Variants in RNF150 observed in about 807,000 individuals in gnomAD.
RNF150 encodes ring finger protein 150.
RNF150 carries 24 observed loss-of-function variants against 39.3 expected under a neutral mutation model. The ratio of observed to expected loss-of-function variants is 0.61; its 90% CI spans 0.44 to 0.86. The LOEUF (loss-of-function observed/expected upper bound fraction) is 0.86, where lower values mean the gene tolerates loss of function less well. RNF150 is among the 40% of genes least tolerant of loss of function. RNF150 has a pLI of 0.00. For missense variants in RNF150, 502 were observed against 587.8 expected (o/e 0.85, Z 1.51); for synonymous variants, 255 against 227.3 (o/e 1.12, Z -1.10).
At position 141,126,505 on chromosome 4, in the gene RNF150, G is replaced by C. The variant is rs554680907; in HGVS notation, c.484+5820C>G. Among the ~76,000 whole-genome samples, 9 of 152,286 alleles carry C rather than the reference G, an allele frequency of 5.9e-5. No individual in the cohort carries two copies. In the South Asian group the frequency reaches 1.7e-3, roughly 28 times the overall value. On this transcript the variant is annotated intron_variant, in intron 1 of 6. Transcript: ENST00000515673. ...AACATCTCCTCACTACCCCAAGTTT[G>C]GCTACATAAAGATGGAGTCCCATGC...
intron 1 of RNF150, among the ~76,000 whole-genome samples, chr4:141,171,749 C>G (rs1400611950): frequency 6.6e-6 from 1 of 152,120 alleles, no homozygotes; most frequent in Non-Finnish European, 1.5e-5. Flanking sequence ...TTGAGCTTGA[C>G]TAGTTGACAT....
At chr4:141,084,147 G>A (rs531192835) in intron 1 of RNF150, among the ~76,000 whole-genome samples, 1 of 152,246 alleles carries the variant, frequency 6.6e-6, no homozygotes, top group Admixed American at 6.5e-5. Context: ...ACTCTTGAAT[G>A]TTCATCATTT....
intron 1 of RNF150, among the ~76,000 whole-genome samples, chr4:140,969,694 T>C (rs1050528514): frequency 1.3e-5 from 2 of 151,958 alleles, no homozygotes; most frequent in African/African-American, 2.4e-5. Flanking sequence ...CATTTTTTTT[T>C]TTGGGACAGG....
intron 1 of RNF150, among the ~76,000 whole-genome samples, chr4:140,996,613 G>A (rs1734387016): frequency 1.3e-5 from 2 of 152,196 alleles, no homozygotes; most frequent in Non-Finnish European, 2.9e-5. Flanking sequence ...AGATGTAAAT[G>A]TGCTTTCTTA....
chr4:140,906,676 T>C (rs1162349135), intron 6 of RNF150, among the ~76,000 whole-genome samples: 1 of 152,226 alleles, frequency 6.6e-6, no homozygotes, highest in Admixed American at 6.5e-5. Context: ...CATTAATTCA[T>C]GTGTACTGCT....
At chr4:141,015,786 G>T (rs1735248139) in intron 1 of RNF150, among the ~76,000 whole-genome samples, 1 of 152,122 alleles carries the variant, frequency 6.6e-6, no homozygotes, top group Admixed American at 6.6e-5. Flanking sequence ...TTAGAAGGAT[G>T]ACATGGTCAA....
At position 141,210,029 on chromosome 4, in the gene RNF150, G is replaced by A. The variant is rs938936718; in HGVS notation, c.-6+2765C>T. On this transcript the variant is annotated intron_variant, in intron 1 of 7. Transcript: ENST00000420921. The stretch of plus-strand genomic sequence containing the variant: ...GATATAAAGAGATAGAAAGTAGAAC[G>A]AAAATGGTCATTAGTCACAGATAAT... Among the ~76,000 whole-genome samples, 7 of 145,386 alleles carry A rather than the reference G, an allele frequency of 4.8e-5. No homozygotes were observed. The East Asian group carries it at 1.1e-3, about 22-fold the overall frequency.
chr4:141,210,200 G>C (rs1369768884), intron 1 of RNF150, among the ~76,000 whole-genome samples: 1 of 152,108 alleles, frequency 6.6e-6, no homozygotes, highest in Non-Finnish European at 1.5e-5. Flanking sequence ...TCTCATGCTT[G>C]GCTGGTTTTA....
chr4:140,885,834 C>A (rs1236961962), intron 6 of RNF150, among the ~76,000 whole-genome samples: 1 of 152,062 alleles, frequency 6.6e-6, no homozygotes, highest in South Asian at 2.1e-4. Flanking sequence ...AAACTCCTGA[C>A]CTCAAGGGAT....
chr4:140,988,588 A>C (rs186197277), intron 1 of RNF150, among the ~76,000 whole-genome samples: 80 of 152,178 alleles, frequency 5.3e-4, no homozygotes, highest in African/African-American at 1.7e-3. Flanking sequence ...TGCTGCACTC[A>C]TTAACTTGTC....
chr4:141,194,808 A>G (rs1048579380), intron 1 of RNF150, among the ~76,000 whole-genome samples: 1 of 152,192 alleles, frequency 6.6e-6, no homozygotes, highest in African/African-American at 2.4e-5. Context: ...ATAAACATGG[A>G]GCCAGACTGC....
At chr4:141,008,639 G>A (rs1734956720) in intron 1 of RNF150, among the ~76,000 whole-genome samples, 2 of 152,114 alleles carry the variant, frequency 1.3e-5, no homozygotes, top group Non-Finnish European at 2.9e-5. Flanking sequence ...AACAGACTTA[G>A]CACAATTCAT....
intron 1 of RNF150, among the ~76,000 whole-genome samples, chr4:141,188,015 T>C (rs531349309): frequency 1.3e-5 from 2 of 152,332 alleles, no homozygotes; most frequent in African/African-American, 4.8e-5. Context: ...TAGTGCTTCC[T>C]TCCAGAGCTC....
chr4:141,051,789 C>A (rs972584507), intron 1 of RNF150, among the ~76,000 whole-genome samples: 3 of 152,298 alleles, frequency 2.0e-5, no homozygotes, highest in African/African-American at 7.2e-5. Flanking sequence ...CTCCAAACTG[C>A]TCCAATCTCT....
At chr4:141,200,164 T>C (rs1728268004) in intron 1 of RNF150, among the ~76,000 whole-genome samples, 1 of 152,190 alleles carries the variant, frequency 6.6e-6, no homozygotes, top group Non-Finnish European at 1.5e-5. Context: ...AGGCAGGAAG[T>C]CTGAGATCAG....
chr4:141,160,330 G>A (rs1389283870), intron 1 of RNF150, among the ~76,000 whole-genome samples: 2 of 152,170 alleles, frequency 1.3e-5, no homozygotes, highest in Non-Finnish European at 2.9e-5. Context: ...GAAGGAATTA[G>A]AAATCTGCAT....
intron 1 of RNF150, among the ~76,000 whole-genome samples, chr4:141,143,563 G>A (rs147450675): frequency 1.3e-5 from 2 of 152,188 alleles, no homozygotes; most frequent in African/African-American, 2.4e-5. Flanking sequence ...CTGGACTAAG[G>A]GCTTCCCTGG....
At chr4:141,000,001 AG>A (rs138500344) in intron 1 of RNF150, among the ~76,000 whole-genome samples, 12,236 of 28,388 alleles carry the variant, frequency 0.43, 2,933 homozygotes, top group Middle Eastern at 0.56. Flanking sequence ...GAAAAGAAGA[AG>A]AAGAAGAAGA....
At chr4:140,980,719 G>T (rs1013238534) in intron 1 of RNF150, among the ~76,000 whole-genome samples, 1 of 152,114 alleles carries the variant, frequency 6.6e-6, no homozygotes, top group Non-Finnish European at 1.5e-5. Flanking sequence ...TGTGAAGAAC[G>T]TGTTTGCTTC....
Sources: allele counts gnomAD v4.1 joint callset (sites outside exome capture counted in the v4.1 genomes callset), GRCh38; gene constraint gnomAD v4.1.1; transcripts MANE v1.5; gene names NCBI Gene and HGNC (gene_info 2026-07-23, HGNC 2026-07-21).